Variants in STX1A observed in about 807,000 individuals in gnomAD.
The protein encoded by STX1A is syntaxin 1A.
Under a neutral mutation model 37.8 loss-of-function variants are expected in STX1A, and 4 were observed. The ratio of observed to expected loss-of-function variants is 0.11; its 90% CI spans 0.05 to 0.24. The LOEUF (loss-of-function observed/expected upper bound fraction) is 0.24, where lower values mean the gene tolerates loss of function less well. Among genes scored for constraint, STX1A ranks in the 10% least tolerant of loss-of-function variants. STX1A has a pLI of 1.00. For missense variants in STX1A, 251 were observed against 399.9 expected, an observed-to-expected ratio of 0.63 and a Z score of 3.18; for synonymous variants, 135 against 147.4, an observed-to-expected ratio of 0.92 and a Z score of 0.61.
At chr7:73,713,493 C>T (rs956113640) in intron 1 of STX1A, among the ~76,000 whole-genome samples, 4 of 152,188 alleles carry the variant, frequency 2.6e-5, no homozygotes, top group Non-Finnish European at 5.9e-5. Context: ...CTTTGGGAGG[C>T]CAAGGTGGGA....
intron 3 of STX1A, among the ~76,000 whole-genome samples, chr7:73,708,361 G>T (rs1798961042): frequency 6.6e-6 from 1 of 152,050 alleles, no homozygotes; most frequent in Admixed American, 6.5e-5. Context: ...CTTTCATGGA[G>T]ACCTGGTCTG....
rs1554615784 is a variant in STX1A, at chr7:73,700,903, G to A, written c.679-63C>T. The A allele has an allele frequency of 2.5e-6, 4 of 1,601,378 alleles. No individual in the cohort carries two copies. The highest frequency in any genetic ancestry group is 1.7e-5 in the Admixed American group (1 of 58,916). ...CTCCTCAGGGTTGGGTTGGGGCTCGGGGCAGGACTTCAGGAAAGCACCCTG... is the reference window on the plus strand; with the variant it reads ...CTCCTCAGGGTTGGGTTGGGGCTCGAGGCAGGACTTCAGGAAAGCACCCTG... On this transcript the variant is annotated intron_variant, in intron 8 of 9. Transcript: ENST00000222812. This position sits in a 1 kb window ranked among gnomAD's most constrained non-coding sequence, Gnocchi z 4.4.
chr7:73,703,525 A>T, intron 7 of STX1A: 1 of 701,384 alleles, frequency 1.4e-6, no homozygotes, highest in South Asian at 1.5e-5. Flanking sequence ...CGCCGGCGAA[A>T]GTGAGTCCAA....
Position 73,702,862 on chromosome 7 carries a change from T to C in STX1A, c.661A>G (p.Met221Val), listed in dbSNP as rs781827788. The C allele has an allele frequency of 7.4e-6, 12 of 1,613,938 alleles. No homozygotes were observed. Among genetic ancestry groups the C allele is most frequent in the Non-Finnish European group, 9.3e-6 (11 of 1,180,008 alleles). The change falls in exon 8 of 10, where the codon ATG becomes GTG. Residue 221 changes from methionine (M) to valine (V), a missense_variant. By Grantham distance (21) the Met-to-Val change is conservative (BLOSUM62 1). Around this residue, in one of 2 missense-constraint regions of STX1A, gnomAD observed 214 missense variants for 367.6 expected, o/e 0.58. Transcript: ENST00000222812. This position sits in a 1 kb window ranked among gnomAD's most constrained non-coding sequence, Gnocchi z 4.7. ...GCACTCACCTGGCTCTCCACGAGCATGGCCATGTCCATGAACATGTCGTGT... is the reference window on the plus strand; with the variant it reads ...GCACTCACCTGGCTCTCCACGAGCACGGCCATGTCCATGAACATGTCGTGT... ...ELHDMFMDMA[M>V]LVESQGEMID...
Position 73,717,406 on chromosome 7 carries a change from A to G in STX1A, c.30+2196T>C, listed in dbSNP as rs1417960959. Among the ~76,000 whole-genome samples, 1 of 152,120 alleles carries G rather than the reference A, an allele frequency of 6.6e-6. No individual in the cohort carries two copies. Among genetic ancestry groups the G allele is most frequent in the Non-Finnish European group, 1.5e-5 (1 of 68,016 alleles). On this transcript the variant is annotated intron_variant, in intron 1 of 9. Transcript: ENST00000222812. This position sits in a 1 kb window ranked among gnomAD's most constrained non-coding sequence, Gnocchi z 4.1. ...TGACTCCTGGGGCTTCAGGCCTCCT[A>G]CAAATGTGGAGCTGGAGTCAGGAGA... is the stretch of plus-strand genomic sequence containing the variant.
At chr7:73,718,696 C>T (rs1799379961) in intron 1 of STX1A, among the ~76,000 whole-genome samples, 1 of 152,028 alleles carries the variant, frequency 6.6e-6, no homozygotes, top group South Asian at 2.1e-4. Flanking sequence ...CTGGGCTCCT[C>T]ATCCCTAAGG....
At chr7:73,708,763 G>T in intron 2 of STX1A, 75 bp from the exon 3 acceptor site, 1 of 1,487,236 alleles carries the variant, frequency 6.7e-7, no homozygotes, top group Non-Finnish European at 9.2e-7. Context: ...ATGGCCCAGA[G>T]TAGGGCTGCG....
chr7:73,712,773 C>A (rs1325796411), intron 1 of STX1A, among the ~76,000 whole-genome samples: 1 of 152,204 alleles, frequency 6.6e-6, no homozygotes, highest in Non-Finnish European at 1.5e-5. Flanking sequence ...AAGGCGGCAT[C>A]CACATCCTCC....
At chr7:73,707,975 A>T (rs1554617295) in intron 3 of STX1A, among the ~76,000 whole-genome samples, 1 of 141,900 alleles carries the variant, frequency 7.0e-6, no homozygotes, top group Non-Finnish European at 1.5e-5. Context: ...AAAGGAAAAA[A>T]GCCAGTTCGG....
At chr7:73,718,129 AC>A (rs1419974026) in intron 1 of STX1A, among the ~76,000 whole-genome samples, 2 of 152,202 alleles carry the variant, frequency 1.3e-5, no homozygotes, top group Non-Finnish European at 2.9e-5. Context: ...TTCTGACTCA[AC>A]GGAGCTCAGG....
intron 3 of STX1A, among the ~76,000 whole-genome samples, 174 bp downstream of exon 3, chr7:73,708,415 G>C (rs781936831): frequency 2.0e-5 from 3 of 152,154 alleles, no homozygotes; most frequent in Non-Finnish European, 4.4e-5. Context: ...TTCCAAGCCG[G>C]GGACAGCTGC....
At chr7:73,708,461 T>A in intron 3 of STX1A, 128 bp downstream of exon 3, 4 of 831,964 alleles carry the variant, frequency 4.8e-6, no homozygotes, top group Non-Finnish European at 5.6e-6. Flanking sequence ...CTCCCGACCC[T>A]GGCCCGCCCA....
chr7:73,707,857 C>T (rs1554617247), intron 3 of STX1A, among the ~76,000 whole-genome samples: 1 of 150,230 alleles, frequency 6.7e-6, no homozygotes, highest in Non-Finnish European at 1.5e-5. Flanking sequence ...ATTGCTTGAA[C>T]CTGGGAGGCG....
chr7:73,715,140 T>A (rs1275077660), intron 1 of STX1A, among the ~76,000 whole-genome samples: 1 of 129,294 alleles, frequency 7.7e-6, no homozygotes, highest in Admixed American at 8.0e-5. Context: ...AAAAAAAAAA[T>A]TGGCTGGGTG....
chr7:73,708,265 AAAAAAAAAAAAAAAAAG>A (rs1195866026), intron 3 of STX1A, among the ~76,000 whole-genome samples: 1 of 149,288 alleles, frequency 6.7e-6, no homozygotes, highest in Non-Finnish European at 1.5e-5. Context: ...TCCATCTCAA[AAAAAAAAAAAAAAAAAG>A]AAAAAAAGAA....
chr7:73,705,217 C>T lies in STX1A; in HGVS notation c.216G>A (p.Lys72=), dbSNP rs782127178. The T allele has an allele frequency of 6.2e-7, 1 of 1,614,110 alleles. No individual in the cohort carries two copies. The highest frequency in any genetic ancestry group is 8.5e-7 in the Non-Finnish European group (1 of 1,179,980). ...LASPNPDEKT[K]EELEELMSDI... ...CGGACATGAGTTCTTCCAGCTCCTC[C>T]TTCGTCTCTGGGGAGGTAGAAAGGG... is the stretch of plus-strand genomic sequence containing the variant. The change falls in exon 4 of 10, where the codon AAG becomes AAA. Residue 72 remains lysine (K), a synonymous_variant. Coordinates refer to ENST00000222812, the MANE Select transcript of STX1A (RefSeq NM_004603.4). The surrounding 1 kb of genome is among the most constrained non-coding windows in gnomAD (Gnocchi z 5.2).
chr7:73,707,198 G>T (rs1300362755), intron 3 of STX1A, among the ~76,000 whole-genome samples: 3 of 152,192 alleles, frequency 2.0e-5, no homozygotes, highest in African/African-American at 7.2e-5. Context: ...CCCCTCCAGG[G>T]AAGGGCACCT....
intron 8 of STX1A, among the ~76,000 whole-genome samples, chr7:73,701,859 G>GT (rs1554615958): frequency 1.3e-5 from 2 of 152,198 alleles, no homozygotes; most frequent in African/African-American, 2.4e-5. Flanking sequence ...GGAGGCTGAG[G>GT]TGAGAGGATC....
In STX1A at chr7:73,702,991, G is replaced by A; in HGVS notation, c.541-9C>T. 1 of 1,594,946 alleles carries A rather than the reference G, an allele frequency of 6.3e-7. No individual in the cohort carries two copies. The highest frequency in any genetic ancestry group is 8.5e-7 in the Non-Finnish European group (1 of 1,171,198). ...CTGGAGTCCATGATGATCTGGGGGT[G>A]GGAGCAGGGGGCTGGGACCCAGAGG... On this transcript the variant is annotated splice_polypyrimidine_tract_variant and intron_variant, in intron 7 of 9. Coordinates refer to ENST00000222812, the MANE Select transcript of STX1A (RefSeq NM_004603.4). This position sits in a 1 kb window ranked among gnomAD's most constrained non-coding sequence, Gnocchi z 4.7.
Sources: allele counts gnomAD v4.1 joint callset (sites outside exome capture counted in the v4.1 genomes callset), GRCh38; gene constraint gnomAD v4.1.1; regional missense constraint gnomAD v4.1.1; non-coding constraint Gnocchi (gnomAD v3.1); transcripts MANE v1.5; gene names NCBI Gene and HGNC (gene_info 2026-07-23, HGNC 2026-07-21).